Variants in EPHA1 observed in about 807,000 individuals in gnomAD.
The protein encoded by EPHA1 is EPH receptor A1.
In EPHA1, 92 loss-of-function variants were observed where a neutral mutation model predicts 110.1. The ratio of observed to expected loss-of-function variants is 0.84; its 90% CI spans 0.71 to 0.99. The LOEUF (loss-of-function observed/expected upper bound fraction) is 0.99. EPHA1 is among the 50% of genes least tolerant of loss of function. EPHA1 has a pLI of 0.00. For synonymous variants in EPHA1, 500 were observed against 516.1 expected, an observed-to-expected ratio of 0.97 and a Z score of 0.42; for missense variants, 1,204 against 1,285.4, an observed-to-expected ratio of 0.94 and a Z score of 0.97.
chr7:143,393,967 G>T lies in EPHA1; in HGVS notation c.2503-103C>A. On this transcript the variant is annotated intron_variant, in intron 15 of 17. Transcript: ENST00000275815. This position sits in a 1 kb window ranked among gnomAD's most constrained non-coding sequence, Gnocchi z 5.6. ...ATAATTGCAGTGGAGATCCTAGGAT[G>T]GGAGGAGGTGGGAGGACCAGGGTGG... is the stretch of plus-strand genomic sequence containing the variant. 1 of 1,337,664 alleles carries T rather than the reference G, an allele frequency of 7.5e-7. No individual in the cohort carries two copies. The highest frequency in any genetic ancestry group is 1.0e-6 in the Non-Finnish European group (1 of 986,064). The allele number at this position is 1,337,664 out of a possible 1,614,324, so 82.9% of individuals were successfully genotyped here.
Position 143,399,758 on chromosome 7 carries a change from C to A in EPHA1, c.728G>T (p.Gly243Val), listed in dbSNP as rs912785967. The A allele has an allele frequency of 2.2e-5, 35 of 1,613,450 alleles. No homozygotes were observed. Among genetic ancestry groups the A allele is most frequent in the Non-Finnish European group, 2.7e-5 (32 of 1,179,944 alleles). Residue 243 changes from glycine to valine, a missense_variant, in exon 4 of 18, where the codon GGT becomes GTT. Transcript: ENST00000275815. ...AGGGCTGCAGTGCATGCGGGGTGCA[C>A]CTGAGGGCCTGGGGCTGGCCCGCGC... ...PHARASPRPS[G>V]APRMHCSPDG...
In EPHA1 at chr7:143,391,647, A is replaced by T. The variant is rs1472955372; in HGVS notation, c.2825T>A (p.Met942Lys). 6.2e-7 allele frequency: 1 copy of T among 1,613,968 alleles called. No homozygotes were observed. Among genetic ancestry groups the T allele is most frequent in the Non-Finnish European group, 8.5e-7 (1 of 1,180,024 alleles). ...LHFHSAGLDT[M>K]ECVLELTAED... ...AGCGGTCAGCTCCAGCACACACTCC[A>T]TGGTGTCCAGCCCAGCCGAGTGGAA... Residue 942 changes from methionine to lysine, a missense_variant, in exon 17 of 18, where the codon ATG becomes AAG. Met to Lys is a moderately conservative substitution (Grantham distance 95). Coordinates refer to ENST00000275815, the MANE Select transcript of EPHA1 (RefSeq NM_005232.5).
At chr7:143,408,661 C>T in intron 1 of EPHA1, 63 bp downstream of exon 1, 1 of 335,770 alleles carries the variant, frequency 3.0e-6, no homozygotes, top group Non-Finnish European at 4.9e-6. Context: ...CAGGGGGGTG[C>T]TGGCCGGGCC....
Position 143,394,295 on chromosome 7 carries a change from G to C in EPHA1, c.2401C>G (p.Arg801Gly), listed in dbSNP as rs775933608. Reference protein sequence around the residue: ...RWTAPEAIAHRIFTTASDVWS... With the variant: ...RWTAPEAIAHGIFTTASDVWS... ...ACATCGCTGGCTGTGGTGAAGATCC[G>C]ATGGGCAATGGCTTCAGGGGCTGTC... Residue 801 changes from arginine to glycine, a missense_variant, in exon 15 of 18, where the codon CGG (arginine) becomes GGG (glycine). By Grantham distance (125) the Arg-to-Gly change is moderately radical. Transcript: ENST00000275815. The C allele has an allele frequency of 7.4e-6, 12 of 1,613,984 alleles. No homozygotes were observed. In the Admixed American group the frequency reaches 1.5e-4, roughly 20 times the overall value.
intron 2 of EPHA1, among the ~76,000 whole-genome samples, chr7:143,406,116 A>G (rs1206371623): frequency 6.6e-6 from 1 of 152,146 alleles, no homozygotes; most frequent in Non-Finnish European, 1.5e-5. Context: ...ATGTCTTTTT[A>G]TATGCTAGTG....
rs935743896 is a variant in EPHA1 at position 143,393,562 on chromosome 7, T to C, written c.2696+109A>G. The C allele has an allele frequency of 6.3e-6, 8 of 1,265,116 alleles. No individual in the cohort carries two copies. Among genetic ancestry groups the C allele is most frequent in the Non-Finnish European group, 7.6e-6 (7 of 917,138 alleles). 78.4% of individuals were successfully genotyped at this position (1,265,116 alleles called of 1,614,324 possible). A position where few individuals can be genotyped will look rare whatever the true frequency, so the allele number is the denominator to read the frequency against. On this transcript the variant is annotated intron_variant, in intron 16 of 17. Transcript: ENST00000275815. This position sits in a 1 kb window ranked among gnomAD's most constrained non-coding sequence, Gnocchi z 5.6. ...GCACGTCTTGCCTCATACACTGGACTTGGTCCAGAGCTCCCCAGGCCCAGC... is the reference window on the plus strand; with the variant it reads ...GCACGTCTTGCCTCATACACTGGACCTGGTCCAGAGCTCCCCAGGCCCAGC...
At chr7:143,407,519 G>T (rs998684061) in intron 2 of EPHA1, 92 bp downstream of exon 2, 2 of 1,322,452 alleles carry the variant, frequency 1.5e-6, no homozygotes, top group African/African-American at 1.5e-5. Context: ...AGTTTTTCCT[G>T]CTCTTTTCTC....
chr7:143,408,736 GCGCCCCCGGGGGC>G lies in EPHA1; in HGVS notation c.57_69del (p.Pro20AlafsTer7). 1 of 943,570 alleles carries G rather than the reference GCGCCCCCGGGGGC, an allele frequency of 1.1e-6. No individual in the cohort carries two copies. Among genetic ancestry groups the G allele is most frequent in the Non-Finnish European group, 1.4e-6 (1 of 727,962 alleles). The allele number at this position is 943,570 out of a possible 1,614,324, so 58.4% of individuals were successfully genotyped here. Reference sequence around the variant, plus strand: ...CGGGGGTCGGTACCTTCCTTGGCGCGCGCCCCCGGGGGCAGCGGGGCGCAGAGCAGCAGCACCA... The same window carrying G: ...CGGGGGTCGGTACCTTCCTTGGCGCGAGCGGGGCGCAGAGCAGCAGCACCA... On this transcript the variant is annotated frameshift_variant, in exon 1 of 18. Coordinates refer to ENST00000275815, the MANE Select transcript of EPHA1 (RefSeq NM_005232.5). LOFTEE classifies it high-confidence loss of function.
At chr7:143,404,930 T>C (rs1225377511) in intron 2 of EPHA1, among the ~76,000 whole-genome samples, 5 of 151,636 alleles carry the variant, frequency 3.3e-5, no homozygotes, top group African/African-American at 1.2e-4. Flanking sequence ...AGGTTTCTAC[T>C]CCATTATAAT....
At chr7:143,402,266 A>C (rs1440689317) in intron 2 of EPHA1, among the ~76,000 whole-genome samples, 2 of 152,184 alleles carry the variant, frequency 1.3e-5, no homozygotes, top group Non-Finnish European at 2.9e-5. Flanking sequence ...GGTAAGAACA[A>C]GCACAGAACT....
At chr7:143,405,437 G>A (rs1049334093) in intron 2 of EPHA1, among the ~76,000 whole-genome samples, 1 of 14,760 alleles carries the variant, frequency 6.8e-5, no homozygotes, top group African/African-American at 1.4e-4. Flanking sequence ...GCATGTGTGC[G>A]TGTGTGTGTG....
chr7:143,397,969 C>A lies in EPHA1; in HGVS notation c.1566G>T (p.Leu522=). ...YIVRVRMLTP[L]GPGPFSPDHE... ...GATCAGGGGAGAAAGGGCCAGGACC[C>A]AGTGGGGTCAGCATTCGGACTCTGA... The change falls in exon 8 of 18, where the codon CTG becomes CTT. Residue 522 remains leucine (L), a synonymous_variant. Transcript: ENST00000275815. 1 of 1,614,124 alleles carries A rather than the reference C, an allele frequency of 6.2e-7. No homozygotes were observed. Among genetic ancestry groups the A allele is most frequent in the Non-Finnish European group, 8.5e-7 (1 of 1,180,002 alleles).
chr7:143,399,989 A>G lies in EPHA1; in HGVS notation c.497T>C (p.Leu166Pro), dbSNP rs982934449. The G allele has an allele frequency of 1.2e-5, 20 of 1,613,830 alleles. No individual in the cohort carries two copies. The highest frequency in any genetic ancestry group is 1.6e-5 in the Non-Finnish European group (19 of 1,179,980). ...IRDLVSGSVK[L>P]NVERCSLGRL... ...GCCCAGAGAGCAGCGCTCCACATTC[A>G]GCTTCACGGAGCCAGACACAAGGTC... Residue 166 changes from leucine (L) to proline (P), a missense_variant, in exon 4 of 18, where the codon CTG becomes CCG. Coordinates refer to ENST00000275815, the MANE Select transcript of EPHA1 (RefSeq NM_005232.5).
At chr7:143,396,329 G>A in intron 11 of EPHA1, 56 bp downstream of exon 11, 1 of 1,581,036 alleles carries the variant, frequency 6.3e-7, no homozygotes, top group South Asian at 1.1e-5. Context: ...GCCTGCTGGT[G>A]GCTCTGTGCT....
At position 143,395,018 on chromosome 7, in the gene EPHA1, C is replaced by T. The variant is rs1805205383; in HGVS notation, c.2146-4G>A. 1 of 1,614,080 alleles carries T rather than the reference C, an allele frequency of 6.2e-7. No individual in the cohort carries two copies. The highest frequency in any genetic ancestry group is 2.2e-5 in the East Asian group (1 of 44,870). ...GGACCAGCTGGTCCTCCCGCTCCTG[C>T]AGCAGGGTGAGTGGGTGAGTCAGGG... On this transcript the variant is annotated splice_region_variant and splice_polypyrimidine_tract_variant and intron_variant, in intron 13 of 17. Transcript: ENST00000275815. This position sits in a 1 kb window ranked among gnomAD's most constrained non-coding sequence, Gnocchi z 4.7.
At position 143,395,504 on chromosome 7, in the gene EPHA1, C is replaced by G; in HGVS notation, c.1898G>C (p.Gly633Ala). 2 of 1,613,694 alleles carry G rather than the reference C, an allele frequency of 1.2e-6. No individual in the cohort carries two copies. The highest frequency in any genetic ancestry group is 2.2e-5 in the South Asian group (2 of 91,068). Residue 633 changes from glycine (G) to alanine (A), a missense_variant and splice_region_variant, in exon 12 of 18, where the codon GGA becomes GCA. Transcript: ENST00000275815. This position sits in a 1 kb window ranked among gnomAD's most constrained non-coding sequence, Gnocchi z 4.7. ...CCCTCGATACACTTCCCCAAACTCT[C>G]CTGGGTAGAAAGAAAACAGGCTGTG... ...WLMVDTVIGE[G>A]EFGEVYRGTL...
chr7:143,399,650 C>T lies in EPHA1; in HGVS notation c.835+1G>A. On this transcript the variant is annotated splice_donor_variant, in intron 4 of 17. Transcript: ENST00000275815. LOFTEE classifies it high-confidence loss of function. Reference sequence around the variant, plus strand: ...CAGGTTCTCACCGCCTCCGTTCTTACCAACACATGCTTCGCCACTGCCACC... The same window carrying T: ...CAGGTTCTCACCGCCTCCGTTCTTATCAACACATGCTTCGCCACTGCCACC... 1 of 1,613,124 alleles carries T rather than the reference C, an allele frequency of 6.2e-7. No individual in the cohort carries two copies. Among genetic ancestry groups the T allele is most frequent in the South Asian group, 1.1e-5 (1 of 91,040 alleles).
Position 143,408,782 on chromosome 7 carries a change from C to T in EPHA1, c.24G>A (p.Gly8=). MERRWPL[G]LGLVLLLCAP... The stretch of plus-strand genomic sequence containing the variant: ...CGCAGAGCAGCAGCACCAGCCCTAG[C>T]CCCAGGGGCCAGCGCCGCTCCATAG... The change falls in exon 1 of 18, where the codon GGG becomes GGA. Residue 8 remains glycine (G), a synonymous_variant. Transcript: ENST00000275815. 3 of 1,218,340 alleles carry T rather than the reference C, an allele frequency of 2.5e-6. No individual in the cohort carries two copies. In the South Asian group the frequency reaches 1.2e-4, roughly 51 times the overall value. The allele number at this position is 1,218,340 out of a possible 1,614,324, so 75.5% of individuals were successfully genotyped here.
rs759438090 is a variant in EPHA1, at chr7:143,401,459, C to A, written c.297G>T (p.Leu99=). ...GEEASRVHVE[L]QFTVRDCKSF... ...TCTTGCAGTCCCGCACGGTGAACTGCAGCTCCACGTGGACGCGGGAAGCCT... is the reference window on the plus strand; with the variant it reads ...TCTTGCAGTCCCGCACGGTGAACTGAAGCTCCACGTGGACGCGGGAAGCCT... The change falls in exon 3 of 18, where the codon CTG becomes CTT. Residue 99 remains leucine (L), a synonymous_variant. Coordinates refer to ENST00000275815, the MANE Select transcript of EPHA1 (RefSeq NM_005232.5). This position sits in a 1 kb window ranked among gnomAD's most constrained non-coding sequence, Gnocchi z 4.1. The A allele has an allele frequency of 6.2e-7, 1 of 1,614,146 alleles. No homozygotes were observed. Among genetic ancestry groups the A allele is most frequent in the East Asian group, 2.2e-5 (1 of 44,882 alleles).
Sources: gnomAD v4.1 joint callset for allele counts (sites outside exome capture counted in the v4.1 genomes callset) on GRCh38, gnomAD v4.1.1 for gene constraint, Gnocchi (gnomAD v3.1) non-coding constraint, MANE v1.5 for transcripts, NCBI Gene and HGNC (gene_info 2026-07-23, HGNC 2026-07-21) for gene names.